TPRG1: variants seen among roughly 807,000 people sequenced by gnomAD.
TPRG1 encodes tumor protein p63-regulated gene 1 protein.
Under a neutral mutation model 29.3 loss-of-function variants are expected in TPRG1, and 29 were observed. The ratio of observed to expected loss-of-function variants is 0.99; its 90% CI spans 0.74 to 1.35. The LOEUF (loss-of-function observed/expected upper bound fraction) is 1.35. Ranked by LOEUF, TPRG1 falls within the 40% of genes most tolerant of loss-of-function variation. TPRG1 has a pLI of 0.00. For synonymous variants in TPRG1, 130 were observed against 116.8 expected (o/e 1.11, Z -0.73); for missense variants, 327 against 335.0 (o/e 0.98, Z 0.19).
chr3:189,083,054 G>A (rs571036981), intron 4 of TPRG1, among the ~76,000 whole-genome samples: 1 of 152,174 alleles, frequency 6.6e-6, no homozygotes, highest in Admixed American at 6.5e-5. Flanking sequence ...CCATTGACTG[G>A]GATTGAGTGC....
In TPRG1 at chr3:189,034,153, A is replaced by G. The variant is rs184205102; in HGVS notation, c.-463+10207A>G. On this transcript the variant is annotated intron_variant, in intron 4 of 10. Transcript: ENST00000433971. ...GATCTATCTAATGAAAGTTGAGAGG[A>G]AAAAAGGGGACAAATAGAAGTTTTG... 7.9e-5 allele frequency among the ~76,000 whole-genome samples: 12 copies of G among 152,308 alleles called. No individual in the cohort carries two copies. In the East Asian group the frequency reaches 2.3e-3, roughly 29 times the overall value.
chr3:189,223,982 C>T (rs1386629647), intron 3 of TPRG1, among the ~76,000 whole-genome samples: 1 of 152,092 alleles, frequency 6.6e-6, no homozygotes, highest in Non-Finnish European at 1.5e-5. Flanking sequence ...ATAAATAAGA[C>T]ACAGTTTCTC....
At chr3:189,083,692 C>A (rs2152171945) in intron 4 of TPRG1, among the ~76,000 whole-genome samples, 1 of 152,270 alleles carries the variant, frequency 6.6e-6, no homozygotes, top group East Asian at 1.9e-4. Flanking sequence ...AAATATTTTC[C>A]TAGTGCCTAT....
chr3:189,319,316 G>T (rs1289735423), intron 5 of TPRG1, among the ~76,000 whole-genome samples: 1 of 151,980 alleles, frequency 6.6e-6, no homozygotes, highest in Non-Finnish European at 1.5e-5. Flanking sequence ...AGGATTTCTG[G>T]TGAGGTAACT....
chr3:189,216,926 T>C (rs1370134890), intron 3 of TPRG1, among the ~76,000 whole-genome samples: 1 of 152,194 alleles, frequency 6.6e-6, no homozygotes, highest in Non-Finnish European at 1.5e-5. Context: ...ACTTAACTAA[T>C]CTGTTTCTAC....
At chr3:189,157,341 G>C (rs1726826197) in intron 5 of TPRG1, among the ~76,000 whole-genome samples, 1 of 152,172 alleles carries the variant, frequency 6.6e-6, no homozygotes, top group South Asian at 2.1e-4. Context: ...TCATTGCTCA[G>C]GATGCAGTTA....
chr3:189,319,939 G>A (rs771040939), intron 5 of TPRG1, among the ~76,000 whole-genome samples: 1 of 151,906 alleles, frequency 6.6e-6, no homozygotes, highest in African/African-American at 2.4e-5. Flanking sequence ...TCTTCTTCAC[G>A]TAACTAGCTC....
chr3:189,084,297 G>C (rs190995109), intron 4 of TPRG1, among the ~76,000 whole-genome samples: 8 of 152,220 alleles, frequency 5.3e-5, no homozygotes, highest in Non-Finnish European at 1.5e-5. Context: ...GCTTTATAAA[G>C]TACCAATAGA....
At chr3:189,220,850 A>T (rs77788078) in intron 3 of TPRG1, among the ~76,000 whole-genome samples, 10,183 of 152,196 alleles carry the variant, frequency 0.067, 478 homozygotes, top group Middle Eastern at 0.13. Context: ...GTATTAATGG[A>T]CATTTAGGTT....
chr3:189,318,903 A>G (rs557103489), intron 5 of TPRG1, among the ~76,000 whole-genome samples: 3 of 152,228 alleles, frequency 2.0e-5, no homozygotes, highest in Admixed American at 6.5e-5. Context: ...TTTTCTAAAA[A>G]TTAGAATTTT....
intron 3 of TPRG1, among the ~76,000 whole-genome samples, chr3:189,141,783 T>G (rs889276627): frequency 6.6e-6 from 1 of 152,138 alleles, no homozygotes; most frequent in African/African-American, 2.4e-5. Flanking sequence ...TAAATCAAGT[T>G]CATACACTAT....
At chr3:189,145,582 T>C (rs1216253377) in intron 3 of TPRG1, among the ~76,000 whole-genome samples, 1 of 152,164 alleles carries the variant, frequency 6.6e-6, no homozygotes, top group East Asian at 1.9e-4. Flanking sequence ...ATAGGGTTGT[T>C]TGTGATTCAG....
chr3:189,129,958 CA>C (rs1283563639), intron 2 of TPRG1, among the ~76,000 whole-genome samples: 44 of 152,228 alleles, frequency 2.9e-4, no homozygotes, highest in South Asian at 2.1e-4. Flanking sequence ...GCTGATAAAT[CA>C]AAGATAATAC....
chr3:189,056,974 G>A (rs1715741524), intron 4 of TPRG1, among the ~76,000 whole-genome samples: 1 of 152,236 alleles, frequency 6.6e-6, no homozygotes, highest in South Asian at 2.1e-4. Context: ...ACTGCATCTT[G>A]AACTCACTTC....
chr3:189,176,800 T>C (rs933596388), intron 1 of TPRG1, among the ~76,000 whole-genome samples: 2 of 152,152 alleles, frequency 1.3e-5, no homozygotes, highest in African/African-American at 4.8e-5. Flanking sequence ...GAAAGATCTT[T>C]GGATTTTGGG....
At chr3:189,246,324 C>T (rs376238174) in intron 4 of TPRG1, among the ~76,000 whole-genome samples, 2 of 152,168 alleles carry the variant, frequency 1.3e-5, no homozygotes, top group Admixed American at 6.5e-5. Context: ...TATAAATTAC[C>T]TAGTCTTGGG....
intron 3 of TPRG1, among the ~76,000 whole-genome samples, chr3:189,137,957 T>TA (rs1723994400): frequency 6.6e-6 from 1 of 152,086 alleles, no homozygotes; most frequent in Non-Finnish European, 1.5e-5. Context: ...ATTCCATAGA[T>TA]AATAGACAAA....
At chr3:189,272,699 T>TTC (rs1440824638) in intron 4 of TPRG1, among the ~76,000 whole-genome samples, 16,195 of 132,980 alleles carry the variant, frequency 0.12, 1,051 homozygotes, top group African/African-American at 0.2. Flanking sequence ...TTCTTTCTCT[T>TTC]TCTTTCTTTC....
At chr3:189,108,702 A>G (rs926071212) in intron 1 of TPRG1, among the ~76,000 whole-genome samples, 3 of 152,166 alleles carry the variant, frequency 2.0e-5, no homozygotes, top group Non-Finnish European at 2.9e-5. Flanking sequence ...ATAACATAAA[A>G]TAATTTCAAC....
Sources: allele counts gnomAD v4.1 joint callset (sites outside exome capture counted in the v4.1 genomes callset), GRCh38; gene constraint gnomAD v4.1.1; transcripts MANE v1.5; gene names NCBI Gene and HGNC (gene_info 2026-07-23, HGNC 2026-07-21).